The following AGO2 variants were observed in gnomAD, a reference collection of about 807,000 sequenced individuals.
AGO2 encodes the protein argonaute RISC catalytic component 2, also known as protein argonaute-2.
Under a neutral mutation model 102.3 loss-of-function variants are expected in AGO2, and 5 were observed. That is an observed-to-expected ratio of 0.05 (90% CI 0.03 to 0.10). The LOEUF is 0.10. Among genes scored for constraint, AGO2 ranks in the 10% least tolerant of loss-of-function variants. The pLI, the probability that AGO2 is intolerant of heterozygous loss-of-function variation, is 1.00. For missense variants in AGO2, 541 were observed against 1,183.7 expected (o/e 0.46, Z 7.97); for synonymous variants, 449 against 473.1 (o/e 0.95, Z 0.66).
intron 3 of AGO2, 101 bp downstream of exon 3, chr8:140,572,711 A>C: frequency 6.7e-7 from 1 of 1,481,732 alleles, no homozygotes. Context: ...CTCCTCAGTG[A>C]AATAGTTTCG....
At chr8:140,602,615 A>T (rs888595064) in intron 1 of AGO2, among the ~76,000 whole-genome samples, 3 of 152,200 alleles carry the variant, frequency 2.0e-5, no homozygotes, top group Non-Finnish European at 4.4e-5. Context: ...AGGCTAATTC[A>T]ATTGCATGGA....
chr8:140,572,556 A>C, intron 3 of AGO2: 1 of 394,818 alleles, frequency 2.5e-6, no homozygotes, highest in Non-Finnish European at 4.5e-6. Context: ...TGTACTTTGT[A>C]CTTAAAGTTT....
At position 140,539,058 on chromosome 8, in the gene AGO2, G is replaced by A. The variant is rs796915417; in HGVS notation, c.2169+262C>T. 2.6e-5 allele frequency among the ~76,000 whole-genome samples: 4 copies of A among 152,254 alleles called. No homozygotes were observed. The highest frequency in any genetic ancestry group is 9.6e-5 in the African/African-American group (4 of 41,526). ...ATAGAGGCTGCAGTAAGCTATGATC[G>A]CACCACTGCACTCTAGCCTGGGTGA... On this transcript the variant is annotated intron_variant, in intron 16 of 18. Transcript: ENST00000220592. The surrounding 1 kb of genome is among the most constrained non-coding windows in gnomAD (Gnocchi z 4.7).
chr8:140,582,214 T>C (rs1364380813), intron 2 of AGO2, among the ~76,000 whole-genome samples: 1 of 152,212 alleles, frequency 6.6e-6, no homozygotes, highest in Admixed American at 6.5e-5. Flanking sequence ...ACCACTTAAC[T>C]ATAGTTAAAA....
At chr8:140,593,947 C>T (rs2073783302) in intron 1 of AGO2, among the ~76,000 whole-genome samples, 1 of 152,216 alleles carries the variant, frequency 6.6e-6, no homozygotes, top group Non-Finnish European at 1.5e-5. Flanking sequence ...GCGTGACAAT[C>T]CATCCTCACC....
intron 14 of AGO2, among the ~76,000 whole-genome samples, chr8:140,542,604 C>T (rs1214810279): frequency 1.3e-5 from 2 of 151,570 alleles, no homozygotes; most frequent in African/African-American, 4.9e-5. Context: ...CCTAAGGCTC[C>T]AAAAGCCCAA....
intron 1 of AGO2, among the ~76,000 whole-genome samples, chr8:140,590,351 G>A (rs999313842): frequency 1.3e-5 from 2 of 152,228 alleles, no homozygotes; most frequent in Non-Finnish European, 2.9e-5. Flanking sequence ...AGGAACCCTC[G>A]CACTTTGGGG....
intron 1 of AGO2, among the ~76,000 whole-genome samples, chr8:140,618,398 A>G (rs2074170380): frequency 6.6e-6 from 1 of 152,014 alleles, no homozygotes; most frequent in South Asian, 2.1e-4. Flanking sequence ...CCAAGGCAGG[A>G]GAAACACTTG....
chr8:140,578,067 G>A (rs1407298105), intron 2 of AGO2, among the ~76,000 whole-genome samples: 3 of 152,174 alleles, frequency 2.0e-5, no homozygotes, highest in African/African-American at 2.4e-5. Flanking sequence ...GGCCTCCGCC[G>A]CCCAGAGAGA....
At position 140,529,871 on chromosome 8, in the gene AGO2, A is replaced by T. The variant is rs918012356; in HGVS notation, c.*2173T>A. 1 of 152,262 alleles carries T rather than the reference A, an allele frequency of 6.6e-6. No individual in the cohort carries two copies. Among genetic ancestry groups the T allele is most frequent in the East Asian group, 1.9e-4 (1 of 5,198 alleles). The allele number at this position is 152,262 out of a possible 1,614,324, so 9.4% of individuals were successfully genotyped here. On this transcript the variant is annotated 3_prime_UTR_variant, in exon 19 of 19. Coordinates refer to ENST00000220592, the MANE Select transcript of AGO2 (RefSeq NM_012154.5). ...TGGAAGAAACACACCTTTGAGACAC[A>T]TGGTTCCAGATGATTGTAAAAATGG...
chr8:140,584,650 A>T (rs1034366011), intron 2 of AGO2, among the ~76,000 whole-genome samples: 5 of 152,256 alleles, frequency 3.3e-5, no homozygotes, highest in African/African-American at 7.2e-5. Flanking sequence ...AATAAAAATA[A>T]GCTACAAATA....
At chr8:140,585,423 T>C (rs1218006299) in intron 1 of AGO2, 112 bp from the exon 2 acceptor site, 3 of 1,223,630 alleles carry the variant, frequency 2.5e-6, no homozygotes, top group Non-Finnish European at 3.4e-6. Flanking sequence ...TCCATTCACG[T>C]CCAGGCCAAT....
chr8:140,586,206 A>G (rs181913736), intron 1 of AGO2, among the ~76,000 whole-genome samples: 1 of 152,184 alleles, frequency 6.6e-6, no homozygotes, highest in African/African-American at 2.4e-5. Context: ...ACAAAAATAA[A>G]GTCAGGCTGG....
intron 1 of AGO2, among the ~76,000 whole-genome samples, chr8:140,614,048 C>A (rs2074112209): frequency 7.2e-6 from 1 of 139,714 alleles, no homozygotes; most frequent in Non-Finnish European, 1.5e-5. Context: ...AAAGGCCAGA[C>A]ACGGTGGCTC....
chr8:140,565,902 G>A lies in AGO2; in HGVS notation c.337-3268C>T, dbSNP rs965670632. Among the ~76,000 whole-genome samples the A allele has an allele frequency of 3.3e-5, 5 of 152,134 alleles. No homozygotes were observed. The East Asian group carries it at 9.7e-4, about 29-fold the overall frequency. ...GAGACCAGCCTAGGCAATATAGGGA[G>A]ACCCCATCTCTGTGCTCCCAGTTAC... On this transcript the variant is annotated intron_variant, in intron 3 of 18. Coordinates refer to ENST00000220592, the MANE Select transcript of AGO2 (RefSeq NM_012154.5).
the AGO2 span, among the ~76,000 whole-genome samples, chr8:140,642,236 T>C: frequency 6.6e-6 from 1 of 152,276 alleles, no homozygotes; most frequent in South Asian, 2.1e-4. Flanking sequence ...GGCACTGACA[T>C]CGTGCTTTGT....
At chr8:140,562,916 CCAAA>C (rs1456438949) in intron 3 of AGO2, among the ~76,000 whole-genome samples, 10 of 152,204 alleles carry the variant, frequency 6.6e-5, no homozygotes, top group Non-Finnish European at 1.5e-4. Context: ...CGTTTCACCC[CCAAA>C]CAATGAACTC....
chr8:140,583,762 C>T (rs2073597495), intron 2 of AGO2, among the ~76,000 whole-genome samples: 1 of 152,108 alleles, frequency 6.6e-6, no homozygotes, highest in Admixed American at 6.5e-5. Flanking sequence ...GTAATCCCAG[C>T]TACTTGGGAG....
At chr8:140,595,623 T>C (rs2073815099) in intron 1 of AGO2, among the ~76,000 whole-genome samples, 1 of 135,410 alleles carries the variant, frequency 7.4e-6, no homozygotes, top group Non-Finnish European at 1.6e-5. Flanking sequence ...ATAATATATA[T>C]ATATATTATA....
Sources: gnomAD v4.1 joint callset for allele counts (sites outside exome capture counted in the v4.1 genomes callset) on GRCh38, gnomAD v4.1.1 for gene constraint, Gnocchi (gnomAD v3.1) non-coding constraint, MANE v1.5 for transcripts, NCBI Gene and HGNC (gene_info 2026-07-23, HGNC 2026-07-21) for gene names.